Variants in EPB41L1 observed in about 807,000 individuals in gnomAD.
EPB41L1 encodes band 4.1-like protein 1.
EPB41L1 carries 29 observed loss-of-function variants against 97.8 expected under a neutral mutation model. The observed-to-expected ratio is 0.30, with a 90% CI of 0.22 to 0.40. The LOEUF is 0.40. Among genes scored for constraint, EPB41L1 ranks in the 10% least tolerant of loss-of-function variants. The probability of loss-of-function intolerance (pLI) is 1.00; values close to 1 mark genes in which losing one functional copy is unlikely to be tolerated. For synonymous variants in EPB41L1, 383 were observed against 459.2 expected, an observed-to-expected ratio of 0.83 and a Z score of 2.12; for missense variants, 812 against 1,162.3, an observed-to-expected ratio of 0.70 and a Z score of 4.38.
chr20:36,100,727 A>G (rs1012279451), intron 1 of EPB41L1, among the ~76,000 whole-genome samples: 3 of 152,216 alleles, frequency 2.0e-5, no homozygotes, highest in Non-Finnish European at 4.4e-5. Flanking sequence ...GGCCTGTGAC[A>G]GAGCCTGCGG....
In EPB41L1 at chr20:36,167,875, A is replaced by G. The variant is rs2145779827; in HGVS notation, c.-14-5889A>G. On this transcript the variant is annotated intron_variant, in intron 1 of 21. Coordinates refer to ENST00000338074, the MANE Select transcript of EPB41L1 (RefSeq NM_012156.2). ...TGGAGCAGGCTGGGGCAGCCCCTGGAACAAGCTGATAGTGGCTTAGATTTA... is the reference window on the plus strand; with the variant it reads ...TGGAGCAGGCTGGGGCAGCCCCTGGGACAAGCTGATAGTGGCTTAGATTTA... Among the ~76,000 whole-genome samples the G allele has an allele frequency of 2.0e-5, 3 of 152,188 alleles. 1 individual carries two copies. Among genetic ancestry groups the G allele is most frequent in the African/African-American group, 7.2e-5 (3 of 41,518 alleles).
At chr20:36,124,562 G>A (rs553038206) in intron 2 of EPB41L1, among the ~76,000 whole-genome samples, 2 of 152,248 alleles carry the variant, frequency 1.3e-5, no homozygotes, top group African/African-American at 4.8e-5. Flanking sequence ...TTCTTTTCCT[G>A]GCTCTTTGCC....
chr20:36,221,024 A>G (rs2063749382), intron 19 of EPB41L1, among the ~76,000 whole-genome samples: 1 of 152,188 alleles, frequency 6.6e-6, no homozygotes, highest in Non-Finnish European at 1.5e-5. Context: ...AGCATTACTG[A>G]GCAATGTTGA....
At chr20:36,162,264 A>G (rs753905285) in intron 1 of EPB41L1, among the ~76,000 whole-genome samples, 11 of 152,238 alleles carry the variant, frequency 7.2e-5, no homozygotes, top group Admixed American at 6.5e-4. Flanking sequence ...TGATTATAAA[A>G]AGATCCTTTA....
chr20:36,099,168 C>T lies in EPB41L1; in HGVS notation c.-65+7556C>T, dbSNP rs1040415907. 2.6e-5 allele frequency among the ~76,000 whole-genome samples: 4 copies of T among 151,312 alleles called. No individual in the cohort carries two copies. In the East Asian group the frequency reaches 6.0e-4, roughly 23 times the overall value. ...TGGGTGACAGAGCAAGACTCCGTCT[C>T]GAAAAAACAAAACAAAACAAAACAA... On this transcript the variant is annotated intron_variant, in intron 1 of 19. Transcript: ENST00000202028.
At chr20:36,128,434 G>A (rs1437653547) in intron 2 of EPB41L1, among the ~76,000 whole-genome samples, 1 of 152,206 alleles carries the variant, frequency 6.6e-6, no homozygotes, top group Non-Finnish European at 1.5e-5. Flanking sequence ...GGTGGATGGG[G>A]GAGGCTGTGT....
intron 14 of EPB41L1, among the ~76,000 whole-genome samples, chr20:36,204,421 G>C (rs1042682095): frequency 1.3e-5 from 2 of 151,536 alleles, no homozygotes; most frequent in Non-Finnish European, 2.9e-5. Flanking sequence ...AGAACTCTTG[G>C]GGGAGGTAGA....
At chr20:36,109,051 C>T (rs1347920624) in intron 1 of EPB41L1, among the ~76,000 whole-genome samples, 1 of 151,958 alleles carries the variant, frequency 6.6e-6, no homozygotes, top group Non-Finnish European at 1.5e-5. Context: ...TCACACCACT[C>T]TCTCACCTCA....
intron 1 of EPB41L1, chr20:36,155,487 C>A: frequency 2.4e-6 from 1 of 421,912 alleles, no homozygotes; most frequent in Non-Finnish European, 4.8e-6. Flanking sequence ...GCTTGTGTGT[C>A]CCACTTGTGT....
At chr20:36,218,797 C>A in intron 17 of EPB41L1, 79 bp from the exon 18 acceptor site, 1 of 1,297,204 alleles carries the variant, frequency 7.7e-7, no homozygotes, top group Non-Finnish European at 1.1e-6. Flanking sequence ...GTCGTGATAG[C>A]TACATGGCCA....
intron 14 of EPB41L1, among the ~76,000 whole-genome samples, chr20:36,204,852 A>G (rs1017398275): frequency 4.7e-5 from 7 of 150,084 alleles, no homozygotes; most frequent in African/African-American, 1.7e-4. Flanking sequence ...CATGTTGGCC[A>G]GGATGGTCTT....
intron 9 of EPB41L1, among the ~76,000 whole-genome samples, chr20:36,189,923 G>A (rs780448296): frequency 6.6e-6 from 1 of 152,308 alleles, no homozygotes; most frequent in Non-Finnish European, 1.5e-5. Context: ...AATGACTCAC[G>A]TCTGTAATCC....
At chr20:36,140,107 T>G (rs1600532304) in intron 2 of EPB41L1, among the ~76,000 whole-genome samples, 3 of 151,814 alleles carry the variant, frequency 2.0e-5, no homozygotes, top group Admixed American at 2.0e-4. Flanking sequence ...CAGGCTGGAG[T>G]GCAGAAGCGC....
intron 17 of EPB41L1, among the ~76,000 whole-genome samples, chr20:36,215,699 T>G (rs2063401091): frequency 1.3e-5 from 2 of 152,198 alleles, no homozygotes; most frequent in Non-Finnish European, 2.9e-5. Flanking sequence ...TACCATTCAT[T>G]TACTCATCCA....
chr20:36,127,793 G>A (rs977507045), intron 2 of EPB41L1, among the ~76,000 whole-genome samples: 2 of 152,126 alleles, frequency 1.3e-5, no homozygotes, highest in Non-Finnish European at 2.9e-5. Context: ...TGCCTCTTGT[G>A]TGCCTCTGAC....
At position 36,190,212 on chromosome 20, in the gene EPB41L1, A is replaced by G. The variant is rs1171144796; in HGVS notation, c.1027-65A>G. 9 of 1,285,388 alleles carry G rather than the reference A, an allele frequency of 7.0e-6. No homozygotes were observed. Among genetic ancestry groups the G allele is most frequent in the Non-Finnish European group, 1.0e-5 (9 of 888,062 alleles). 79.6% of individuals were successfully genotyped at this position (1,285,388 alleles called of 1,614,324 possible). On this transcript the variant is annotated intron_variant, in intron 9 of 21. Transcript: ENST00000338074. This position sits in a 1 kb window ranked among gnomAD's most constrained non-coding sequence, Gnocchi z 5.8. ...TTAAACAAATAAAATAAAAAACACA[A>G]AGAATGGGCTAGTGGCGAGAGTGAG...
At chr20:36,105,377 G>T (rs367751430) in intron 1 of EPB41L1, among the ~76,000 whole-genome samples, 5 of 152,178 alleles carry the variant, frequency 3.3e-5, no homozygotes, top group African/African-American at 9.7e-5. Context: ...TCCAGTTCTT[G>T]TGAGGTCCTG....
At position 36,197,714 on chromosome 20, in the gene EPB41L1, GC is replaced by G. The variant is rs965766112; in HGVS notation, c.1486-144del. On this transcript the variant is annotated intron_variant, in intron 13 of 21. Coordinates refer to ENST00000338074, the MANE Select transcript of EPB41L1 (RefSeq NM_012156.2). ...CTCCTTGCCCTGGTTTGTCTCTGGG[GC>G]TGCCATGAGAGTGACACAGGTCAGA... The G allele has an allele frequency of 8.4e-6, 13 of 1,547,260 alleles. No homozygotes were observed. In the African/African-American group the frequency reaches 1.8e-4, roughly 21 times the overall value.
intron 1 of EPB41L1, among the ~76,000 whole-genome samples, chr20:36,111,813 A>G (rs925451222): frequency 3.7e-4 from 56 of 151,514 alleles, no homozygotes; most frequent in African/African-American, 1.3e-3. Flanking sequence ...AAGAGAAAAG[A>G]AAAGACTCCG....
Sources: allele counts gnomAD v4.1 joint callset (sites outside exome capture counted in the v4.1 genomes callset), GRCh38; gene constraint gnomAD v4.1.1; non-coding constraint Gnocchi (gnomAD v3.1); transcripts MANE v1.5; gene names NCBI Gene and HGNC (gene_info 2026-07-23, HGNC 2026-07-21).